Variants in AKAP7 observed in about 807,000 individuals in gnomAD.
AKAP7 encodes the protein A kinase (PRKA) anchor protein 7.
A neutral mutation model predicts 39.5 loss-of-function variants in AKAP7; 39 were observed. That is an observed-to-expected ratio of 0.99 (90% CI 0.76 to 1.29). AKAP7 has a LOEUF of 1.29. Among genes scored for constraint, AKAP7 ranks in the 50% most tolerant of loss-of-function variants. The pLI is 0.00. For missense variants in AKAP7, 414 were observed against 407.7 expected, an observed-to-expected ratio of 1.02 and a Z score of -0.13; for synonymous variants, 140 against 139.1, an observed-to-expected ratio of 1.01 and a Z score of -0.05.
chr6:131,257,367 CAAA>C (rs10712918), intron 7 of AKAP7, among the ~76,000 whole-genome samples: 17 of 89,592 alleles, frequency 1.9e-4, no homozygotes, highest in Admixed American at 2.4e-4. Flanking sequence ...GGCCTTGTCT[CAAA>C]AAAAAAAAAA....
At chr6:131,178,302 G>A (rs1528865) in intron 5 of AKAP7, among the ~76,000 whole-genome samples, 93,606 of 152,018 alleles carry the variant, frequency 0.62, 29,416 homozygotes, top group East Asian at 0.95. Flanking sequence ...CTTTATTTGT[G>A]CAATGGGCAT....
At chr6:131,146,638 C>T (rs1294748063) in intron 2 of AKAP7, among the ~76,000 whole-genome samples, 1 of 152,196 alleles carries the variant, frequency 6.6e-6, no homozygotes, top group East Asian at 1.9e-4. Context: ...CTGCGCCATT[C>T]AACTGTTTGC....
intron 4 of AKAP7, among the ~76,000 whole-genome samples, chr6:131,167,210 C>G (rs1043623863): frequency 6.6e-6 from 1 of 152,114 alleles, no homozygotes; most frequent in Non-Finnish European, 1.5e-5. Flanking sequence ...AAAACATATT[C>G]TGTTTAAAAT....
At chr6:131,252,954 C>T (rs35742185) in intron 7 of AKAP7, 18 of 1,423,274 alleles carry the variant, frequency 1.3e-5, no homozygotes, top group African/African-American at 1.4e-5. Context: ...GAATGTTCCT[C>T]CTTGAAGGTA....
chr6:131,129,306 A>G, the AKAP7 span, among the ~76,000 whole-genome samples: 1 of 150,710 alleles, frequency 6.6e-6, no homozygotes, highest in Non-Finnish European at 1.5e-5. Flanking sequence ...AAAATGCATG[A>G]TTGAAAGAAT....
chr6:131,241,619 G>GTATACGTATATATA (rs1562238108), intron 7 of AKAP7, among the ~76,000 whole-genome samples: 94 of 71,042 alleles, frequency 1.3e-3, no homozygotes, highest in African/African-American at 4.5e-3. Context: ...GTGTGTGTGT[G>GTATACGTATATATA]TGTGTGTGTA....
chr6:131,197,037 A>T (rs1442084872), intron 5 of AKAP7, among the ~76,000 whole-genome samples: 3 of 152,138 alleles, frequency 2.0e-5, no homozygotes, highest in Non-Finnish European at 4.4e-5. Context: ...GTTAGTAAAA[A>T]CATATAGATC....
chr6:131,172,075 A>G (rs1040894760), intron 5 of AKAP7, among the ~76,000 whole-genome samples: 13 of 152,194 alleles, frequency 8.5e-5, no homozygotes, highest in African/African-American at 3.1e-4. Context: ...TGACGTCACA[A>G]AGAAAAACAA....
At chr6:131,251,966 G>C (rs1291335814) in intron 7 of AKAP7, among the ~76,000 whole-genome samples, 1 of 152,228 alleles carries the variant, frequency 6.6e-6, no homozygotes, top group Non-Finnish European at 1.5e-5. Flanking sequence ...GCCGATGCAG[G>C]GATAGTGAAT....
intron 5 of AKAP7, among the ~76,000 whole-genome samples, chr6:131,174,770 A>G (rs1403191321): frequency 6.6e-6 from 1 of 152,234 alleles, no homozygotes; most frequent in Non-Finnish European, 1.5e-5. Flanking sequence ...AATTGTATGT[A>G]TATGCCTACA....
At chr6:131,179,291 A>G (rs1804883977) in intron 5 of AKAP7, among the ~76,000 whole-genome samples, 1 of 151,988 alleles carries the variant, frequency 6.6e-6, no homozygotes, top group African/African-American at 2.4e-5. Flanking sequence ...CTCCTGTCTC[A>G]GCCTCCCGAG....
chr6:131,173,713 TG>T (rs1468498868), intron 5 of AKAP7, among the ~76,000 whole-genome samples: 1 of 152,230 alleles, frequency 6.6e-6, no homozygotes, highest in African/African-American at 2.4e-5. Context: ...CATTTGGGAC[TG>T]ATAGTCCACA....
At chr6:131,201,443 G>GT (rs920261372) in intron 6 of AKAP7, among the ~76,000 whole-genome samples, 3 of 151,964 alleles carry the variant, frequency 2.0e-5, no homozygotes, top group Non-Finnish European at 1.5e-5. Context: ...AATTATGATT[G>GT]TTTTTTTCTT....
chr6:131,211,049 T>C (rs1295552675), intron 6 of AKAP7, among the ~76,000 whole-genome samples: 1 of 152,186 alleles, frequency 6.6e-6, no homozygotes, highest in African/African-American at 2.4e-5. Flanking sequence ...AACTTTTCCA[T>C]CACACATATA....
At position 131,169,190 on chromosome 6, in the gene AKAP7, A is replaced by C. The variant is rs1310158833; in HGVS notation, c.506A>C (p.Gln169Pro). ...GGAAAACATTTGACTTTGCCCTTTC[A>C]AGGGATTGGTACTTTTGGAAATCAG... Reference protein sequence around the residue: ...LQGKHLTLPFQGIGTFGNQVG... With the variant: ...LQGKHLTLPFPGIGTFGNQVG... The change falls in exon 5 of 8, where the codon CAA becomes CCA. Residue 169 changes from glutamine to proline, a missense_variant. By Grantham distance (76) the Gln-to-Pro change is moderately conservative. Coordinates refer to ENST00000431975, the MANE Select transcript of AKAP7 (RefSeq NM_016377.4). 8.1e-6 allele frequency: 13 copies of C among 1,613,954 alleles called. No individual in the cohort carries two copies. The highest frequency in any genetic ancestry group is 1.7e-5 in the Admixed American group (1 of 60,008).
chr6:131,280,880 A>G (rs1461685760), intron 7 of AKAP7, among the ~76,000 whole-genome samples: 1 of 152,292 alleles, frequency 6.6e-6, no homozygotes, highest in African/African-American at 2.4e-5. Context: ...ACCATAAAAT[A>G]TTTACATCTA....
At chr6:131,169,386 A>C in intron 5 of AKAP7, 113 bp downstream of exon 5, 1 of 1,211,740 alleles carries the variant, frequency 8.3e-7, no homozygotes, top group Admixed American at 2.1e-5. Context: ...GACTAGACTC[A>C]AGTATTTTTT....
chr6:131,253,039 G>A lies in AKAP7; in HGVS notation c.851-28491G>A, dbSNP rs544175568. 243 of 1,613,308 alleles carry A rather than the reference G, an allele frequency of 1.5e-4. 4 individuals carry two copies. In the South Asian group the frequency reaches 2.5e-3, roughly 17 times the overall value. On this transcript the variant is annotated intron_variant, in intron 7 of 7. Transcript: ENST00000431975. ...TGGGTGTTATTCTCAAAACACAGGT[G>A]AGTTGGAAAGCTCGTCCTCTGCAGT...
At chr6:131,180,287 G>A (rs1805039052) in intron 5 of AKAP7, among the ~76,000 whole-genome samples, 1 of 152,172 alleles carries the variant, frequency 6.6e-6, no homozygotes, top group African/African-American at 2.4e-5. Context: ...GACTCAACCA[G>A]GATCTTGCTG....
Sources: allele counts gnomAD v4.1 joint callset (sites outside exome capture counted in the v4.1 genomes callset), GRCh38; gene constraint gnomAD v4.1.1; transcripts MANE v1.5; gene names NCBI Gene and HGNC (gene_info 2026-07-23, HGNC 2026-07-21).